The following TCF3 variants were observed in gnomAD, a reference collection of about 807,000 sequenced individuals.
TCF3 encodes transcription factor 3, also known as transcription factor E2-alpha.
A neutral mutation model predicts 72.3 loss-of-function variants in TCF3; 54 were observed. The ratio of observed to expected loss-of-function variants is 0.75; its 90% CI spans 0.60 to 0.94. TCF3 has a LOEUF of 0.94. TCF3 is among the 40% of genes least tolerant of loss of function. The pLI, the probability that TCF3 is intolerant of heterozygous loss-of-function variation, is 0.00. For synonymous variants in TCF3, 525 were observed against 412.6 expected (o/e 1.27, Z -3.30); for missense variants, 1,078 against 934.4 (o/e 1.15, Z -2.00).
rs541180730 is a variant in TCF3 at position 1,631,847 on chromosome 19, G to A, written c.298+191C>T. 4 of 1,444,310 alleles carry A rather than the reference G, an allele frequency of 2.8e-6. No homozygotes were observed. The South Asian group carries it at 5.1e-5, about 18-fold the overall frequency. The allele number at this position is 1,444,310 out of a possible 1,614,324, so 89.5% of individuals were successfully genotyped here. ...GGGAAGCCTAGTTGCAGAGTGCCGT[G>A]CCAGGGAGTCCGGGCCACGTCCCCT... On this transcript the variant is annotated intron_variant, in intron 5 of 18. Coordinates refer to ENST00000262965, the MANE Select transcript of TCF3 (RefSeq NM_003200.5).
intron 3 of TCF3, among the ~76,000 whole-genome samples, chr19:1,634,791 C>T (rs1264800953): frequency 1.3e-5 from 2 of 152,204 alleles, no homozygotes; most frequent in African/African-American, 2.4e-5. Flanking sequence ...CCAAGTCTGG[C>T]CCCTAAGCTG....
Position 1,615,498 on chromosome 19 carries a change from G to A in TCF3, c.1609C>T (p.Leu537Phe). The A allele has an allele frequency of 6.2e-7, 1 of 1,609,844 alleles. No homozygotes were observed. Among genetic ancestry groups the A allele is most frequent in the Non-Finnish European group, 8.5e-7 (1 of 1,179,782 alleles). The change falls in exon 18 of 19, where the codon CTT becomes TTT. Residue 537 changes from leucine to phenylalanine, a missense_variant. Leu to Phe is a conservative substitution (Grantham distance 22, BLOSUM62 0). Transcript: ENST00000262965. This position sits in a 1 kb window ranked among gnomAD's most constrained non-coding sequence, Gnocchi z 7.3. ...RTSPDEDEDD[L>F]LPPEQKAERE... ...TCGGCCTTCTGCTCTGGGGGGAGAAGGTCGTCCTCGTCCTCGTCTGGGCTA... is the reference window on the plus strand; with the variant it reads ...TCGGCCTTCTGCTCTGGGGGGAGAAAGTCGTCCTCGTCCTCGTCTGGGCTA...
chr19:1,634,138 T>TC (rs963715040), intron 3 of TCF3, among the ~76,000 whole-genome samples: 1 of 152,152 alleles, frequency 6.6e-6, no homozygotes, highest in Non-Finnish European at 1.5e-5. Flanking sequence ...GGGGGAACCC[T>TC]CCCTCACCCA....
intron 3 of TCF3, among the ~76,000 whole-genome samples, chr19:1,634,637 T>TC (rs2064157249): frequency 6.6e-6 from 1 of 152,000 alleles, no homozygotes; most frequent in African/African-American, 2.4e-5. Context: ...CCCTGTTGGG[T>TC]CCCCTCCTGA....
chr19:1,621,830 G>C lies in TCF3; in HGVS notation c.955+8C>G. The C allele has an allele frequency of 1.9e-6, 3 of 1,582,802 alleles. No homozygotes were observed. Among genetic ancestry groups the C allele is most frequent in the Non-Finnish European group, 2.6e-6 (3 of 1,165,948 alleles). Reference sequence around the variant, plus strand: ...TCGGAGAGGCCGCATCCCAGGGAGGGGCCATACCCAGGAGGCTGTCGGCCC... The same window carrying C: ...TCGGAGAGGCCGCATCCCAGGGAGGCGCCATACCCAGGAGGCTGTCGGCCC... On this transcript the variant is annotated splice_region_variant and intron_variant, in intron 11 of 18. Coordinates refer to ENST00000262965, the MANE Select transcript of TCF3 (RefSeq NM_003200.5).
Position 1,642,171 on chromosome 19 carries a change from C to T in TCF3, c.145+4184G>A, listed in dbSNP as rs894522652. ...ACACACACACACACACACACGCACG[C>T]GTACACACACGCACGCAGACACAGA... On this transcript the variant is annotated intron_variant, in intron 3 of 18. Transcript: ENST00000262965. 3.5e-4 allele frequency among the ~76,000 whole-genome samples: 52 copies of T among 150,524 alleles called. No homozygotes were observed. The Middle Eastern group carries it at 0.01, about 30-fold the overall frequency.
chr19:1,633,939 A>T (rs997297372), intron 3 of TCF3, among the ~76,000 whole-genome samples: 2 of 152,188 alleles, frequency 1.3e-5, no homozygotes, highest in Non-Finnish European at 2.9e-5. Flanking sequence ...CCCTCCGGCC[A>T]TAGCCAGTAC....
intron 16 of TCF3, among the ~76,000 whole-genome samples, chr19:1,618,769 A>G (rs1232639474): frequency 2.6e-5 from 4 of 152,128 alleles, no homozygotes; most frequent in Admixed American, 1.3e-4. Context: ...TCTCCCTGGC[A>G]CCTGTACTGT....
intron 3 of TCF3, among the ~76,000 whole-genome samples, chr19:1,637,177 C>A (rs924779024): frequency 6.6e-6 from 1 of 151,866 alleles, no homozygotes; most frequent in African/African-American, 2.4e-5. Context: ...CAGGGACAAG[C>A]TCCTCCCCCA....
At chr19:1,630,576 G>A (rs2063581609) in intron 5 of TCF3, among the ~76,000 whole-genome samples, 3 of 152,190 alleles carry the variant, frequency 2.0e-5, no homozygotes, top group Non-Finnish European at 4.4e-5. Flanking sequence ...CCCCGCAGCA[G>A]GTCCAGTGCC....
chr19:1,642,839 G>T (rs2065531825), intron 3 of TCF3, among the ~76,000 whole-genome samples: 1 of 152,182 alleles, frequency 6.6e-6, no homozygotes, highest in African/African-American at 2.4e-5. Context: ...ACACGCACCC[G>T]GAGGAAATGA....
chr19:1,619,350 C>A lies in TCF3; in HGVS notation c.1292G>T (p.Gly431Val). ...GHGALASGFT[G>V]PMSLGGRHAG... ...GTGCCGCCCGCCCAGTGACATGGGGCCGGTGAAACCTGAGGCCAGCGCCCC... is the reference window on the plus strand; with the variant it reads ...GTGCCGCCCGCCCAGTGACATGGGGACGGTGAAACCTGAGGCCAGCGCCCC... Residue 431 changes from glycine (G) to valine (V), a missense_variant, in exon 15 of 19, where the codon GGC becomes GTC. Physicochemically the swap from Gly to Val is moderately radical, Grantham distance 109. Coordinates refer to ENST00000262965, the MANE Select transcript of TCF3 (RefSeq NM_003200.5). The A allele has an allele frequency of 1.9e-6, 3 of 1,583,480 alleles. No individual in the cohort carries two copies. The highest frequency in any genetic ancestry group is 2.6e-6 in the Non-Finnish European group (3 of 1,171,226).
chr19:1,619,512 C>A, intron 14 of TCF3, 38 bp from the exon 15 acceptor site: 1 of 1,547,260 alleles, frequency 6.5e-7, no homozygotes, highest in Non-Finnish European at 8.7e-7. Flanking sequence ...GGGCCCAAGC[C>A]GAGGGACCCC....
At chr19:1,618,387 G>A (rs1003536272) in intron 16 of TCF3, among the ~76,000 whole-genome samples, 8 of 152,090 alleles carry the variant, frequency 5.3e-5, no homozygotes, top group Non-Finnish European at 8.8e-5. Context: ...GAGGGTATCT[G>A]TGAGCACCTG....
intron 13 of TCF3, among the ~76,000 whole-genome samples, chr19:1,620,521 C>A (rs570008700): frequency 2.0e-5 from 3 of 152,338 alleles, no homozygotes; most frequent in Admixed American, 1.3e-4. Flanking sequence ...ACAGCCCTGG[C>A]GATGCTGGCC....
At chr19:1,642,209 C>CGCACAG (rs2065388008) in intron 3 of TCF3, among the ~76,000 whole-genome samples, 1 of 151,880 alleles carries the variant, frequency 6.6e-6, no homozygotes, top group Non-Finnish European at 1.5e-5. Flanking sequence ...CAGACACGCA[C>CGCACAG]ACACGCGCAG....
At position 1,632,751 on chromosome 19, in the gene TCF3, C is replaced by T. The variant is rs1417679440; in HGVS notation, c.146-346G>A. Among the ~76,000 whole-genome samples, 3 of 152,216 alleles carry T rather than the reference C, an allele frequency of 2.0e-5. No individual in the cohort carries two copies. The East Asian group carries it at 5.8e-4, about 29-fold the overall frequency. ...CCTCCCCATCAGCCCCAAGTCCCTC[C>T]CTCTGGCCCAGCCCTGACTATGTGG... is the stretch of plus-strand genomic sequence containing the variant. On this transcript the variant is annotated intron_variant, in intron 3 of 18. Coordinates refer to ENST00000262965, the MANE Select transcript of TCF3 (RefSeq NM_003200.5).
Position 1,622,332 on chromosome 19 carries a change from G to A in TCF3, c.633C>T (p.Pro211=), listed in dbSNP as rs371471771. The A allele has an allele frequency of 6.2e-5, 95 of 1,536,372 alleles. No homozygotes were observed. In the African/African-American group the frequency reaches 1.1e-3, roughly 17 times the overall value. Residue 211 remains proline, a synonymous_variant, in exon 9 of 19, where the codon CCC becomes CCT. Coordinates refer to ENST00000262965, the MANE Select transcript of TCF3 (RefSeq NM_003200.5). ...PSAKTPSSTY[P]APFYVADGSL... ...ATGTACCTGCCACGTAGAAGGGGGC[G>A]GGATAGGTGCTGCTGGGGGTCTTGG... is the stretch of plus-strand genomic sequence containing the variant.
rs572942976 is a variant in TCF3 at position 1,620,092 on chromosome 19, ATCCAAC to A, written c.1094-245_1094-240del. ...GAGCCTCAGTTTCCCCATCTACAAA[ATCCAAC>A]TCCCCACTCAGAGGATAAAGTGGCT... On this transcript the variant is annotated intron_variant, in intron 13 of 18. Coordinates refer to ENST00000262965, the MANE Select transcript of TCF3 (RefSeq NM_003200.5). 1.1e-3 allele frequency among the ~76,000 whole-genome samples: 169 copies of A among 152,184 alleles called. 1 individual carries two copies. The highest frequency in any genetic ancestry group is 6.8e-3 in the Middle Eastern group (2 of 294).
Sources: gnomAD v4.1 joint callset for allele counts (sites outside exome capture counted in the v4.1 genomes callset) on GRCh38, gnomAD v4.1.1 for gene constraint, Gnocchi (gnomAD v3.1) non-coding constraint, MANE v1.5 for transcripts, NCBI Gene and HGNC (gene_info 2026-07-23, HGNC 2026-07-21) for gene names.